Variants in APBB2 observed in about 807,000 individuals in gnomAD.
The protein encoded by APBB2 is Fe65-like 1.
A neutral mutation model predicts 82.5 loss-of-function variants in APBB2; 38 were observed. That is an observed-to-expected ratio of 0.46 (90% CI 0.36 to 0.60). APBB2 has a LOEUF of 0.60. Among genes scored for constraint, APBB2 ranks in the 20% least tolerant of loss-of-function variants. The pLI is 0.00. For synonymous variants in APBB2, 341 were observed against 368.2 expected (o/e 0.93, Z 0.85); for missense variants, 772 against 972.3 (o/e 0.79, Z 2.74).
intron 1 of APBB2, among the ~76,000 whole-genome samples, chr4:41,211,126 G>T (rs541059147): frequency 1.3e-5 from 2 of 152,120 alleles, no homozygotes; most frequent in Admixed American, 6.5e-5. Flanking sequence ...GTGGTGGCGG[G>T]CACCTGGAAT....
At chr4:40,828,158 T>G (rs991263530) in intron 13 of APBB2, among the ~76,000 whole-genome samples, 4 of 152,204 alleles carry the variant, frequency 2.6e-5, no homozygotes, top group African/African-American at 4.8e-5. Flanking sequence ...ATGTCTTTAT[T>G]AGCAGCGTGA....
intron 12 of APBB2, among the ~76,000 whole-genome samples, chr4:40,833,262 C>A (rs17425459): frequency 6.6e-6 from 1 of 152,176 alleles, no homozygotes; most frequent in Non-Finnish European, 1.5e-5. Context: ...ACACAAAGTC[C>A]AAAAACCTCT....
chr4:41,197,248 G>A, intron 1 of APBB2, among the ~76,000 whole-genome samples: 1 of 152,106 alleles, frequency 6.6e-6, no homozygotes, highest in Admixed American at 6.5e-5. Flanking sequence ...TGTTCAAATG[G>A]TGAAAGTTGT....
intron 4 of APBB2, among the ~76,000 whole-genome samples, chr4:41,054,496 G>A (rs1293872649): frequency 6.6e-6 from 1 of 152,122 alleles, no homozygotes; most frequent in Non-Finnish European, 1.5e-5. Flanking sequence ...CAGTGAGTGG[G>A]CAATTAATTG....
At chr4:41,132,033 C>T (rs1349202288) in intron 2 of APBB2, among the ~76,000 whole-genome samples, 1 of 105,936 alleles carries the variant, frequency 9.4e-6, no homozygotes, top group Non-Finnish European at 2.0e-5. Context: ...GAGCAAGACT[C>T]TGTCTCAAAA....
chr4:40,831,182 G>C (rs1751773346), intron 12 of APBB2, among the ~76,000 whole-genome samples: 1 of 152,036 alleles, frequency 6.6e-6, no homozygotes, highest in African/African-American at 2.4e-5. Context: ...CGGATCACCT[G>C]AGGTCAGGAG....
intron 3 of APBB2, among the ~76,000 whole-genome samples, chr4:41,093,039 TAAC>T (rs1742317742): frequency 6.6e-6 from 1 of 152,110 alleles, no homozygotes; most frequent in Non-Finnish European, 1.5e-5. Flanking sequence ...TCTTTTCCAG[TAAC>T]ATCAGCAGAA....
At chr4:41,062,556 G>A (rs1466229440) in intron 4 of APBB2, among the ~76,000 whole-genome samples, 1 of 152,054 alleles carries the variant, frequency 6.6e-6, no homozygotes, top group Non-Finnish European at 1.5e-5. Context: ...AAGTAACAGT[G>A]TTCATGCCTT....
chr4:41,078,073 A>T (rs1736258213), intron 3 of APBB2, among the ~76,000 whole-genome samples: 1 of 152,236 alleles, frequency 6.6e-6, no homozygotes, highest in African/African-American at 2.4e-5. Flanking sequence ...AGCTGTGAAA[A>T]ATATTTACAG....
At chr4:41,074,285 G>A (rs963031290) in intron 3 of APBB2, among the ~76,000 whole-genome samples, 4 of 152,072 alleles carry the variant, frequency 2.6e-5, no homozygotes, top group Non-Finnish European at 4.4e-5. Flanking sequence ...TTAAATCTGT[G>A]AAAACCACAA....
At chr4:40,863,079 G>C (rs1482825395) in intron 12 of APBB2, among the ~76,000 whole-genome samples, 2 of 152,194 alleles carry the variant, frequency 1.3e-5, no homozygotes, top group Admixed American at 6.5e-5. Flanking sequence ...AGACACTGGA[G>C]GATGGGATGC....
At chr4:41,188,856 T>G (rs1020510081) in intron 1 of APBB2, among the ~76,000 whole-genome samples, 1 of 151,970 alleles carries the variant, frequency 6.6e-6, no homozygotes, top group Non-Finnish European at 1.5e-5. Context: ...ACAGATGCAG[T>G]GAGCCAAGAT....
chr4:41,154,783 G>A (rs1467771228), intron 1 of APBB2, among the ~76,000 whole-genome samples: 2 of 152,162 alleles, frequency 1.3e-5, no homozygotes, highest in African/African-American at 2.4e-5. Flanking sequence ...ATTACCTTGT[G>A]TTTTAAAAGT....
intron 3 of APBB2, among the ~76,000 whole-genome samples, chr4:41,071,705 A>T (rs529201004): frequency 9.8e-5 from 15 of 152,286 alleles, no homozygotes; most frequent in Non-Finnish European, 1.5e-4. Flanking sequence ...AAATTTTTTA[A>T]AAAAAATCTC....
At chr4:40,961,433 G>A (rs949574252) in intron 6 of APBB2, among the ~76,000 whole-genome samples, 2 of 132,564 alleles carry the variant, frequency 1.5e-5, no homozygotes, top group African/African-American at 2.9e-5. Flanking sequence ...TCATAGGTGG[G>A]AATTGAACAA....
rs141057712 is a variant in APBB2, at chr4:40,879,824, T to C, written c.1529+10540A>G. On this transcript the variant is annotated intron_variant, in intron 12 of 17. Coordinates refer to ENST00000508593, the MANE Select transcript of APBB2 (RefSeq NM_004307.2). Reference sequence around the variant, plus strand: ...CTCCTGCCTAAGCCTCCCGAGTAGGTGGGATTACAGGCATGTGCTAACACA... The same window carrying C: ...CTCCTGCCTAAGCCTCCCGAGTAGGCGGGATTACAGGCATGTGCTAACACA... Among the ~76,000 whole-genome samples the C allele has an allele frequency of 6.8e-3, 1,032 of 151,826 alleles. 16 individuals are homozygous for C. The highest frequency in any genetic ancestry group is 0.024 in the African/African-American group (986 of 41,376).
intron 12 of APBB2, among the ~76,000 whole-genome samples, chr4:40,845,613 A>AAAC (rs1757295583): frequency 7.1e-6 from 1 of 140,680 alleles, no homozygotes; most frequent in Non-Finnish European, 1.6e-5. Flanking sequence ...AAAAAAAAAA[A>AAAC]AACCAGCACA....
chr4:40,981,336 C>A (rs1400676382), intron 6 of APBB2, among the ~76,000 whole-genome samples: 1 of 151,758 alleles, frequency 6.6e-6, no homozygotes, highest in Admixed American at 6.6e-5. Flanking sequence ...GAGCTGAGAT[C>A]GCACCACTGT....
chr4:41,066,554 G>A (rs1292713639), intron 3 of APBB2, among the ~76,000 whole-genome samples: 1 of 152,162 alleles, frequency 6.6e-6, no homozygotes, highest in Non-Finnish European at 1.5e-5. Context: ...TATCAAGCAT[G>A]GGCGTCTAGT....
Sources: allele counts gnomAD v4.1 joint callset (sites outside exome capture counted in the v4.1 genomes callset), GRCh38; gene constraint gnomAD v4.1.1; transcripts MANE v1.5; gene names NCBI Gene and HGNC (gene_info 2026-07-23, HGNC 2026-07-21).